Variants in JAK1 observed in about 807,000 individuals in gnomAD.
JAK1 encodes tyrosine-protein kinase JAK1.
JAK1 carries 16 observed loss-of-function variants against 136.6 expected under a neutral mutation model. The observed-to-expected ratio is 0.12, with a 90% confidence interval of 0.08 to 0.18. The LOEUF (loss-of-function observed/expected upper bound fraction) is 0.18, where lower values mean the gene tolerates loss of function less well. Ranked by LOEUF, JAK1 falls within the 10% of genes least tolerant of loss-of-function variation. The probability of loss-of-function intolerance (pLI) is 1.00; values close to 1 mark genes in which losing one functional copy is unlikely to be tolerated. For missense variants in JAK1, 859 were observed against 1,450.1 expected, an observed-to-expected ratio of 0.59 and a Z score of 6.62; for synonymous variants, 492 against 519.5, an observed-to-expected ratio of 0.95 and a Z score of 0.72.
At chr1:64,843,917 G>A (rs1025094711) in intron 17 of JAK1, 147 bp downstream of exon 17, 60 of 792,524 alleles carry the variant, frequency 7.6e-5, no homozygotes, top group Non-Finnish European at 1.1e-4. Context: ...AGTTACATTT[G>A]TGAGGTCACA....
chr1:65,010,213 A>C (rs924769595), intron 2 of JAK1, among the ~76,000 whole-genome samples: 5 of 152,198 alleles, frequency 3.3e-5, no homozygotes, highest in Admixed American at 1.3e-4. Flanking sequence ...GATAGAATAA[A>C]GCAAAAGTGA....
intron 8 of JAK1, among the ~76,000 whole-genome samples, chr1:64,860,826 CTG>C (rs72032330): frequency 0.05 from 5,943 of 119,726 alleles, 173 homozygotes; most frequent in African/African-American, 0.074. Flanking sequence ...TCAGATGACT[CTG>C]TGTGTGTGTG....
At chr1:64,890,771 G>C (rs1242655143) in intron 1 of JAK1, among the ~76,000 whole-genome samples, 2 of 152,178 alleles carry the variant, frequency 1.3e-5, no homozygotes, top group African/African-American at 4.8e-5. Flanking sequence ...CTGCTTCGAA[G>C]AGCAAAGTCT....
At chr1:64,997,720 G>C (rs1036726298) in intron 2 of JAK1, among the ~76,000 whole-genome samples, 1 of 152,142 alleles carries the variant, frequency 6.6e-6, no homozygotes, top group Non-Finnish European at 1.5e-5. Flanking sequence ...GTGTGGGGCT[G>C]TCGGGGACTG....
Position 65,012,742 on chromosome 1 carries a change from T to C in JAK1, c.-78+31738A>G, listed in dbSNP as rs539550626. 1.3e-4 allele frequency among the ~76,000 whole-genome samples: 19 copies of C among 150,042 alleles called. No homozygotes were observed. The South Asian group carries it at 4.0e-3, about 32-fold the overall frequency. On this transcript the variant is annotated intron_variant, in intron 2 of 25. Coordinates refer to the JAK1 transcript ENST00000671954. ...AGGGGTTCAAGGCTGCACTGAGCCA[T>C]GTTTGCACCATACCACTGTACTCCA...
At chr1:64,884,172 G>A (rs1570703507) in intron 2 of JAK1, among the ~76,000 whole-genome samples, 1 of 152,148 alleles carries the variant, frequency 6.6e-6, no homozygotes, top group East Asian at 1.9e-4. Flanking sequence ...GGAACAGTTA[G>A]AAAACCCTGG....
intron 1 of JAK1, among the ~76,000 whole-genome samples, chr1:64,908,047 GA>G (rs921244567): frequency 4.6e-5 from 7 of 151,656 alleles, no homozygotes; most frequent in African/African-American, 1.5e-4. Flanking sequence ...AACTGGTAAA[GA>G]AAAAAAAGTG....
intron 1 of JAK1, among the ~76,000 whole-genome samples, chr1:64,911,575 T>C (rs1437219885): frequency 1.3e-5 from 2 of 152,170 alleles, no homozygotes; most frequent in Non-Finnish European, 2.9e-5. Context: ...AAGAGAAGTA[T>C]CTGAGCTGAG....
At chr1:65,009,597 A>C (rs1241060223) in intron 2 of JAK1, among the ~76,000 whole-genome samples, 1 of 152,254 alleles carries the variant, frequency 6.6e-6, no homozygotes, top group Non-Finnish European at 1.5e-5. Flanking sequence ...TAGAATAATA[A>C]TACTGCCATT....
At chr1:65,002,189 A>G (rs1646765058) in intron 2 of JAK1, 1 of 152,228 alleles carries the variant, frequency 6.6e-6, no homozygotes, top group African/African-American at 2.4e-5. Context: ...ACGTATGTGT[A>G]TATATGCACA....
At chr1:64,897,930 T>C (rs1645048534) in intron 1 of JAK1, among the ~76,000 whole-genome samples, 1 of 152,158 alleles carries the variant, frequency 6.6e-6, no homozygotes, top group Admixed American at 6.5e-5. Context: ...TACTCTTTGA[T>C]GGATATATAG....
intron 1 of JAK1, among the ~76,000 whole-genome samples, chr1:64,955,247 G>A (rs546472146): frequency 6.6e-6 from 1 of 152,294 alleles, no homozygotes; most frequent in South Asian, 2.1e-4. Context: ...TAGTGGAGGT[G>A]TGTCTGCAAA....
intron 1 of JAK1, among the ~76,000 whole-genome samples, chr1:65,056,843 G>C (rs1269875540): frequency 6.7e-6 from 1 of 149,580 alleles, no homozygotes; most frequent in Non-Finnish European, 1.5e-5. Flanking sequence ...AGGATCACTT[G>C]ACCCCGGGAG....
At chr1:64,978,413 CTT>C (rs1017545712) in intron 2 of JAK1, among the ~76,000 whole-genome samples, 3 of 152,132 alleles carry the variant, frequency 2.0e-5, no homozygotes, top group Non-Finnish European at 4.4e-5. Context: ...TATAAAAACA[CTT>C]AACATACAGA....
chr1:64,889,051 A>G (rs911374541), intron 1 of JAK1, among the ~76,000 whole-genome samples: 11 of 152,350 alleles, frequency 7.2e-5, no homozygotes, highest in African/African-American at 2.6e-4. Flanking sequence ...TGTGTGTGCT[A>G]CAGCATTTGT....
intron 11 of JAK1, among the ~76,000 whole-genome samples, chr1:64,854,608 A>T (rs1430384049): frequency 6.6e-6 from 1 of 152,114 alleles, no homozygotes; most frequent in Non-Finnish European, 1.5e-5. Flanking sequence ...CTCACATTCT[A>T]AGAGACAAAT....
chr1:64,833,696 C>T lies in JAK1; in HGVS notation c.*866G>A. On this transcript the variant is annotated 3_prime_UTR_variant, in exon 25 of 25. Coordinates refer to ENST00000342505, the MANE Select transcript of JAK1 (RefSeq NM_002227.4). ...GCGTATGTGGTATTCAGACTGGTTGCATACAGCATTCAAAACCAGTGCTGG... is the reference window on the plus strand; with the variant it reads ...GCGTATGTGGTATTCAGACTGGTTGTATACAGCATTCAAAACCAGTGCTGG... 1 of 233,022 alleles carries T rather than the reference C, an allele frequency of 4.3e-6. No individual in the cohort carries two copies. Among genetic ancestry groups the T allele is most frequent in the Non-Finnish European group, 8.5e-6 (1 of 117,904 alleles). The allele number at this position is 233,022 out of a possible 1,614,324, so 14.4% of individuals were successfully genotyped here. A position where few individuals can be genotyped will look rare whatever the true frequency, so the allele number is the denominator to read the frequency against.
chr1:64,971,631 T>C (rs1646452781), intron 2 of JAK1, among the ~76,000 whole-genome samples: 2 of 151,998 alleles, frequency 1.3e-5, no homozygotes, highest in African/African-American at 4.8e-5. Context: ...TGATCTCGGC[T>C]CACTGCAAAC....
chr1:64,902,077 T>C (rs1473886136), intron 1 of JAK1, among the ~76,000 whole-genome samples: 2 of 152,188 alleles, frequency 1.3e-5, no homozygotes, highest in African/African-American at 2.4e-5. Flanking sequence ...GCCAAAATAA[T>C]ATTATCAGGG....
Sources: gnomAD v4.1 joint callset for allele counts (sites outside exome capture counted in the v4.1 genomes callset) on GRCh38, gnomAD v4.1.1 for gene constraint, MANE v1.5 for transcripts, NCBI Gene and HGNC (gene_info 2026-07-23, HGNC 2026-07-21) for gene names.